ASCC3: variants seen among roughly 807,000 people sequenced by gnomAD.
ASCC3 encodes the protein ASC-1 complex subunit P200.
In ASCC3, 158 loss-of-function variants were observed where a neutral mutation model predicts 256.3. The observed-to-expected ratio is 0.62, with a 90% CI of 0.54 to 0.70. The LOEUF (loss-of-function observed/expected upper bound fraction) is 0.70, where lower values mean the gene tolerates loss of function less well. Ranked by LOEUF, ASCC3 falls within the 30% of genes least tolerant of loss-of-function variation. ASCC3 has a pLI of 0.00. For missense variants in ASCC3, 2,259 were observed against 2,626.0 expected (o/e 0.86, Z 3.05); for synonymous variants, 948 against 883.4 (o/e 1.07, Z -1.30).
chr6:100,555,876 G>A (rs1024335581), intron 36 of ASCC3, among the ~76,000 whole-genome samples: 1 of 151,798 alleles, frequency 6.6e-6, no homozygotes, highest in Non-Finnish European at 1.5e-5. Context: ...CAAGCCTGTG[G>A]TCCCAGCTAC....
rs1365432443 is a variant in ASCC3, at chr6:100,636,047, G to A, written c.4122+2554C>T. ...ACTACATACATTAGAAATTCAACTG[G>A]AGGACTACAAAGTTTAAGGTAAATT... On this transcript the variant is annotated intron_variant, in intron 25 of 41. Coordinates refer to ENST00000369162, the MANE Select transcript of ASCC3 (RefSeq NM_006828.4). Among the ~76,000 whole-genome samples the A allele has an allele frequency of 2.6e-5, 4 of 152,120 alleles. No individual in the cohort carries two copies. The East Asian group carries it at 5.8e-4, about 22-fold the overall frequency.
At chr6:100,782,576 C>A (rs1265982911) in intron 8 of ASCC3, among the ~76,000 whole-genome samples, 1 of 152,080 alleles carries the variant, frequency 6.6e-6, no homozygotes, top group Non-Finnish European at 1.5e-5. Context: ...TATACTTACA[C>A]ATGTGCAAAA....
chr6:100,807,345 T>A (rs1315710438), intron 4 of ASCC3, among the ~76,000 whole-genome samples: 2 of 98,458 alleles, frequency 2.0e-5, no homozygotes, highest in African/African-American at 7.9e-5. Context: ...GCAGAAAGGG[T>A]TTAGGACAGA....
At chr6:100,620,579 A>G (rs970737610) in intron 30 of ASCC3, among the ~76,000 whole-genome samples, 1 of 152,058 alleles carries the variant, frequency 6.6e-6, no homozygotes, top group Non-Finnish European at 1.5e-5. Context: ...CCCCAGCCCA[A>G]ATATCTATAG....
At chr6:100,779,040 A>C (rs897175441) in intron 8 of ASCC3, among the ~76,000 whole-genome samples, 3 of 152,172 alleles carry the variant, frequency 2.0e-5, no homozygotes, top group Non-Finnish European at 2.9e-5. Flanking sequence ...TAATTTTAAA[A>C]GATCAACATA....
chr6:100,783,548 G>A (rs1328957553), intron 8 of ASCC3, among the ~76,000 whole-genome samples: 1 of 152,158 alleles, frequency 6.6e-6, no homozygotes, highest in African/African-American at 2.4e-5. Context: ...TCACATTGCA[G>A]CAGATGAATC....
intron 13 of ASCC3, among the ~76,000 whole-genome samples, chr6:100,702,944 C>G (rs1778416465): frequency 6.6e-6 from 1 of 152,064 alleles, no homozygotes; most frequent in Admixed American, 6.6e-5. Flanking sequence ...CAGCAGAATG[C>G]CTAGGTCAAC....
chr6:100,614,671 G>A (rs183920546), intron 30 of ASCC3, among the ~76,000 whole-genome samples: 158 of 152,134 alleles, frequency 1.0e-3, no homozygotes, highest in Non-Finnish European at 1.9e-3. Flanking sequence ...TGAATAAGAG[G>A]GATATTTAGT....
chr6:100,761,880 A>G (rs1279889823), intron 10 of ASCC3, among the ~76,000 whole-genome samples: 1 of 152,208 alleles, frequency 6.6e-6, no homozygotes, highest in Non-Finnish European at 1.5e-5. Flanking sequence ...TGCATATACA[A>G]TATCTGCCCC....
intron 8 of ASCC3, among the ~76,000 whole-genome samples, chr6:100,795,725 T>C (rs1769578831): frequency 6.6e-6 from 1 of 152,150 alleles, no homozygotes; most frequent in African/African-American, 2.4e-5. Context: ...TTATTAAACT[T>C]ATCCAACGTG....
At chr6:100,716,258 C>T (rs112135773) in intron 12 of ASCC3, among the ~76,000 whole-genome samples, 1 of 151,768 alleles carries the variant, frequency 6.6e-6, no homozygotes, top group Non-Finnish European at 1.5e-5. Context: ...ATTATGCCCA[C>T]ATATGCCCAG....
chr6:100,692,406 A>G (rs1435428153), intron 13 of ASCC3, among the ~76,000 whole-genome samples: 1 of 152,068 alleles, frequency 6.6e-6, no homozygotes, highest in Non-Finnish European at 1.5e-5. Flanking sequence ...AATTGTTCTT[A>G]GCTTGATAAT....
chr6:100,519,518 T>C (rs1774199322), intron 37 of ASCC3, among the ~76,000 whole-genome samples: 1 of 152,082 alleles, frequency 6.6e-6, no homozygotes, highest in South Asian at 2.1e-4. Context: ...CAACAGGTCA[T>C]GATGAATGCT....
intron 14 of ASCC3, among the ~76,000 whole-genome samples, chr6:100,673,652 G>T (rs1182261114): frequency 6.6e-6 from 1 of 152,110 alleles, no homozygotes; most frequent in Non-Finnish European, 1.5e-5. Context: ...CCACATGTTA[G>T]ACTACACTGA....
intron 17 of ASCC3, among the ~76,000 whole-genome samples, chr6:100,653,771 T>C (rs1775786136): frequency 6.6e-6 from 1 of 152,094 alleles, no homozygotes; most frequent in Non-Finnish European, 1.5e-5. Context: ...ACTTATCTAA[T>C]ACTTTTTCTA....
In ASCC3 at chr6:100,829,462, G is replaced by A. The variant is rs569071997; in HGVS notation, c.801+18686C>T. 2.5e-4 allele frequency among the ~76,000 whole-genome samples: 38 copies of A among 152,270 alleles called. No individual in the cohort carries two copies. In the East Asian group the frequency reaches 5.2e-3, roughly 21 times the overall value. ...AGCCCCTCATTGCCCAGGGCTGGCGGGGCTCGCCAGCCGTTCTGAGTGCGG... is the reference window on the plus strand; with the variant it reads ...AGCCCCTCATTGCCCAGGGCTGGCGAGGCTCGCCAGCCGTTCTGAGTGCGG... On this transcript the variant is annotated intron_variant, in intron 4 of 41. Transcript: ENST00000369162.
At chr6:100,510,130 C>A (rs777007503) in intron 40 of ASCC3, 23 bp from the exon 41 acceptor site, 10 of 1,613,664 alleles carry the variant, frequency 6.2e-6, no homozygotes, top group Non-Finnish European at 7.6e-6. Context: ...AAAAAAGATA[C>A]AACATTAAAA....
At chr6:100,542,414 G>A (rs1775504735) in intron 36 of ASCC3, among the ~76,000 whole-genome samples, 1 of 152,134 alleles carries the variant, frequency 6.6e-6, no homozygotes, top group South Asian at 2.1e-4. Context: ...CGGGCGCGGT[G>A]GCTCACGCCT....
chr6:100,670,417 C>G (rs1268446903), intron 14 of ASCC3, among the ~76,000 whole-genome samples: 1 of 151,868 alleles, frequency 6.6e-6, no homozygotes. Flanking sequence ...ATAATTTACA[C>G]TGTCTGCCTG....
Sources: gnomAD v4.1 joint callset for allele counts (sites outside exome capture counted in the v4.1 genomes callset) on GRCh38, gnomAD v4.1.1 for gene constraint, MANE v1.5 for transcripts, NCBI Gene and HGNC (gene_info 2026-07-23, HGNC 2026-07-21) for gene names.